Variants in IRAG2 observed in about 807,000 individuals in gnomAD.
The protein encoded by IRAG2 is inositol 1,4,5-triphosphate receptor associated 2.
In IRAG2, 45 loss-of-function variants were observed where a neutral mutation model predicts 69.9. The ratio of observed to expected loss-of-function variants is 0.64; its 90% CI spans 0.51 to 0.83. The LOEUF (loss-of-function observed/expected upper bound fraction) is 0.83, where lower values mean the gene tolerates loss of function less well. Among genes scored for constraint, IRAG2 ranks in the 40% least tolerant of loss-of-function variants. The pLI is 0.00. For missense variants in IRAG2, 520 were observed against 587.0 expected (o/e 0.89, Z 1.18); for synonymous variants, 193 against 202.4 (o/e 0.95, Z 0.40).
In IRAG2 at chr12:25,035,955, C is replaced by A. The variant is rs749397577; in HGVS notation, c.1878+168C>A. 2.1e-4 allele frequency among the ~76,000 whole-genome samples: 32 copies of A among 152,150 alleles called. 1 individual carries two copies. The highest frequency in any genetic ancestry group is 4.1e-4 in the Non-Finnish European group (28 of 68,034). On this transcript the variant is annotated intron_variant, in intron 14 of 38. Coordinates refer to the IRAG2 transcript ENST00000636465. ...TTTTCTCAAACCTTTCTGAAGCTGG[C>A]CTTTTAGTTCTGGGTCAATCAGGGC... is the stretch of plus-strand genomic sequence containing the variant.
rs1278357377 is a variant in IRAG2, at chr12:25,089,645, T to C, written c.405T>C (p.Thr135=). The part of the protein sequence containing the change: ...DSVVSPLPVT[T]VKSVNLRQSE... ...TGGTTTCCCCTCTTCCTGTAACCAC[T>C]GTGAAATCGGTTAACCTTAGACAAA... The change falls in exon 12 of 22, where the codon ACT becomes ACC. Residue 135 remains threonine (T), a synonymous_variant. Transcript: ENST00000556887. 6.2e-7 allele frequency: 1 copy of C among 1,603,148 alleles called. No individual in the cohort carries two copies. The highest frequency in any genetic ancestry group is 1.1e-5 in the South Asian group (1 of 90,712).
At position 25,103,997 on chromosome 12, in the gene IRAG2, C is replaced by T. The variant is rs779412950; in HGVS notation, c.997-12C>T. On this transcript the variant is annotated splice_polypyrimidine_tract_variant and intron_variant, in intron 18 of 21. Coordinates refer to ENST00000556887, the MANE Select transcript of IRAG2 (RefSeq NM_001366544.2). ...TTTATCATTTCTTTTAACATTTGAA[C>T]TTCTACTAAAGGTGGCTGGGATGGA... The T allele has an allele frequency of 5.0e-6, 8 of 1,612,402 alleles. No individual in the cohort carries two copies. In the Admixed American group the frequency reaches 5.0e-5, roughly 10 times the overall value.
chr12:25,081,513 T>A, intron 9 of IRAG2, among the ~76,000 whole-genome samples: 1 of 152,166 alleles, frequency 6.6e-6, no homozygotes, highest in Non-Finnish European at 1.5e-5. Flanking sequence ...TGACAGCAGG[T>A]AACTGAAACC....
Position 25,107,975 on chromosome 12 carries a change from C to CACAGCA in IRAG2, c.1417_1422dup (p.Gln473_Gln474dup). The CACAGCA allele has an allele frequency of 1.9e-6, 3 of 1,614,204 alleles. No homozygotes were observed. The highest frequency in any genetic ancestry group is 2.5e-6 in the Non-Finnish European group (3 of 1,180,030). ...CAGAAGTCTGTGGATGCCGCTCCCA[C>CACAGCA]ACAGCAAGAGGACTCATGGACGTCT... is the stretch of plus-strand genomic sequence containing the variant. On this transcript the variant is annotated inframe_insertion, in exon 22 of 22. Transcript: ENST00000556887.
intron 15 of IRAG2, 45 bp from the exon 16 acceptor site, chr12:25,101,133 G>T: frequency 6.5e-7 from 1 of 1,529,894 alleles, no homozygotes; most frequent in South Asian, 1.2e-5. Context: ...TTTTAATTGA[G>T]AGTAGTATTT....
At chr12:25,022,426 G>A (rs924267200) in intron 7 of IRAG2, among the ~76,000 whole-genome samples, 9 of 152,142 alleles carry the variant, frequency 5.9e-5, no homozygotes, top group African/African-American at 2.2e-4. Flanking sequence ...CCTAGGAGGT[G>A]GAGGCTGCAG....
chr12:25,022,848 G>A (rs889127310), intron 7 of IRAG2, among the ~76,000 whole-genome samples: 11 of 152,262 alleles, frequency 7.2e-5, no homozygotes, highest in Non-Finnish European at 1.2e-4. Context: ...TAGGGCCACC[G>A]GGCGTGGTGG....
intron 13 of IRAG2, 61 bp downstream of exon 13, chr12:25,089,851 T>G: frequency 2.6e-6 from 4 of 1,538,746 alleles, no homozygotes; most frequent in Non-Finnish European, 3.6e-6. Context: ...CCTGCTACAG[T>G]CACTTCATGT....
At chr12:25,066,795 G>A (rs980539205) in intron 5 of IRAG2, among the ~76,000 whole-genome samples, 7 of 151,620 alleles carry the variant, frequency 4.6e-5, no homozygotes, top group Middle Eastern at 3.4e-3. Flanking sequence ...GACTACAGAC[G>A]CATGCCACCA....
At chr12:25,080,482 G>A (rs957968344) in intron 9 of IRAG2, among the ~76,000 whole-genome samples, 2 of 151,606 alleles carry the variant, frequency 1.3e-5, no homozygotes, top group Non-Finnish European at 2.9e-5. Flanking sequence ...CTCCCGAGTA[G>A]CTGGGACTAC....
intron 6 of IRAG2, among the ~76,000 whole-genome samples, chr12:25,069,930 G>C (rs1946226824): frequency 6.6e-6 from 1 of 152,118 alleles, no homozygotes. Context: ...CCCAAGAAGA[G>C]AATAATGCTA....
chr12:25,052,960 A>T lies in IRAG2; in HGVS notation c.-447+4A>T. 1 of 398,588 alleles carries T rather than the reference A, an allele frequency of 2.5e-6. No individual in the cohort carries two copies. Among genetic ancestry groups the T allele is most frequent in the Non-Finnish European group, 4.4e-6 (1 of 226,032 alleles). 24.7% of individuals were successfully genotyped at this position (398,588 alleles called of 1,614,324 possible). ...CAGAAGACAAGGAAACTGAAGAGTGAGTAGCAAATATTCATTTATGACCCA... is the reference window on the plus strand; with the variant it reads ...CAGAAGACAAGGAAACTGAAGAGTGTGTAGCAAATATTCATTTATGACCCA... On this transcript the variant is annotated splice_donor_region_variant and intron_variant, in intron 1 of 21. Transcript: ENST00000556887.
chr12:25,032,776 T>C (rs1475375715), intron 12 of IRAG2, among the ~76,000 whole-genome samples: 1 of 152,158 alleles, frequency 6.6e-6, no homozygotes, highest in Non-Finnish European at 1.5e-5. Context: ...ACTAATCCCA[T>C]TCATGAGGGC....
intron 16 of IRAG2, among the ~76,000 whole-genome samples, chr12:25,045,290 T>TA (rs538858733): frequency 1.7e-4 from 26 of 151,986 alleles, no homozygotes; most frequent in Non-Finnish European, 3.4e-4. Flanking sequence ...ACACTTATAC[T>TA]AAAAAAGAAA....
chr12:25,077,326 AT>A (rs1565563318), intron 6 of IRAG2, among the ~76,000 whole-genome samples: 2 of 42,134 alleles, frequency 4.7e-5, no homozygotes, highest in African/African-American at 1.3e-4. Context: ...TGATATATAT[AT>A]GATATATATA....
At chr12:25,073,173 C>CT (rs1456065414) in intron 6 of IRAG2, among the ~76,000 whole-genome samples, 1 of 152,170 alleles carries the variant, frequency 6.6e-6, no homozygotes, top group Non-Finnish European at 1.5e-5. Context: ...CTTTAAGACC[C>CT]TTGTAATTCT....
chr12:25,086,366 A>C (rs1315254704), intron 10 of IRAG2, among the ~76,000 whole-genome samples: 1 of 152,188 alleles, frequency 6.6e-6, no homozygotes, highest in Non-Finnish European at 1.5e-5. Flanking sequence ...GAGGAAGGAG[A>C]GTAGAATTTG....
chr12:25,101,424 G>C (rs1022159403), intron 16 of IRAG2, 99 bp downstream of exon 16: 18 of 783,586 alleles, frequency 2.3e-5, no homozygotes, highest in Admixed American at 3.8e-5. Context: ...AAACTCTTAG[G>C]TTAACTTTAT....
chr12:25,090,513 C>A (rs1231974504), intron 14 of IRAG2, among the ~76,000 whole-genome samples: 14 of 152,118 alleles, frequency 9.2e-5, no homozygotes, highest in Admixed American at 9.2e-4. Flanking sequence ...CCATTGCATA[C>A]CAGCTTGGGT....
Sources: gnomAD v4.1 joint callset for allele counts (sites outside exome capture counted in the v4.1 genomes callset) on GRCh38, gnomAD v4.1.1 for gene constraint, MANE v1.5 for transcripts, NCBI Gene and HGNC (gene_info 2026-07-23, HGNC 2026-07-21) for gene names.